The following ACTR3 variants were observed in gnomAD, a reference collection of about 807,000 sequenced individuals.
ACTR3 encodes the protein actin related protein 3, also known as actin-related protein 3.
Under a neutral mutation model 56.8 loss-of-function variants are expected in ACTR3, and 12 were observed. That is an observed-to-expected ratio of 0.21 (90% confidence interval 0.14 to 0.34). The LOEUF (loss-of-function observed/expected upper bound fraction) is 0.34. ACTR3 is among the 10% of genes least tolerant of loss of function. The pLI, the probability that ACTR3 is intolerant of heterozygous loss-of-function variation, is 1.00. For missense variants in ACTR3, 282 were observed against 512.5 expected (o/e 0.55, Z 4.34); for synonymous variants, 162 against 167.4 (o/e 0.97, Z 0.25).
intron 3 of ACTR3, among the ~76,000 whole-genome samples, chr2:113,920,996 G>A (rs535646281): frequency 1.2e-4 from 18 of 152,262 alleles, no homozygotes; most frequent in African/African-American, 4.1e-4. Context: ...TAGTAGGATG[G>A]CTGGATCATA....
intron 8 of ACTR3, among the ~76,000 whole-genome samples, chr2:113,943,258 CAT>C (rs1459094847): frequency 6.6e-6 from 1 of 152,098 alleles, no homozygotes; most frequent in East Asian, 1.9e-4. Context: ...GTTTGTCAGT[CAT>C]GTGTGGTAGG....
chr2:113,944,713 G>A (rs1679986477), intron 8 of ACTR3, among the ~76,000 whole-genome samples: 1 of 151,838 alleles, frequency 6.6e-6, no homozygotes, highest in African/African-American at 2.4e-5. Flanking sequence ...AGTGAGCCGA[G>A]ATCACGCCAC....
chr2:113,957,313 A>C, intron 11 of ACTR3, 47 bp from the exon 12 acceptor site: 1 of 1,360,254 alleles, frequency 7.4e-7, no homozygotes, highest in Non-Finnish European at 1.1e-6. Context: ...TACCTTCAAG[A>C]TGGTAGATTT....
At chr2:113,957,258 C>A in intron 11 of ACTR3, 102 bp from the exon 12 acceptor site, 1 of 777,692 alleles carries the variant, frequency 1.3e-6, no homozygotes, top group Non-Finnish European at 2.1e-6. Flanking sequence ...ACATTTTAGA[C>A]TTAACATCTA....
At chr2:113,890,637 G>C in intron 1 of ACTR3, 1 of 1,269,628 alleles carries the variant, frequency 7.9e-7, no homozygotes, top group Non-Finnish European at 9.9e-7. Flanking sequence ...GCTGGGGACG[G>C]TCGTCTTGGG....
chr2:113,899,221 A>G (rs1228122795), intron 1 of ACTR3, among the ~76,000 whole-genome samples: 5 of 152,192 alleles, frequency 3.3e-5, no homozygotes, highest in African/African-American at 1.2e-4. Context: ...GCTCAAGGAA[A>G]TGATGCTAAT....
At chr2:113,934,232 GTTTTTTTT>G (rs5833524) in intron 5 of ACTR3, 39 bp from the exon 6 acceptor site, 1 of 954,518 alleles carries the variant, frequency 1.0e-6, no homozygotes, top group Non-Finnish European at 1.5e-6. Context: ...TTGTTTTTTT[GTTTTTTTT>G]TTTTGTTTTT....
chr2:113,957,576 C>T lies in ACTR3; in HGVS notation c.*121C>T. 1 of 660,120 alleles carries T rather than the reference C, an allele frequency of 1.5e-6. No homozygotes were observed. Among genetic ancestry groups the T allele is most frequent in the Non-Finnish European group, 2.7e-6 (1 of 369,516 alleles). 40.9% of individuals were successfully genotyped at this position (660,120 alleles called of 1,614,324 possible). A position where few individuals can be genotyped will look rare whatever the true frequency, so the allele number is the denominator to read the frequency against. On this transcript the variant is annotated 3_prime_UTR_variant, in exon 12 of 12. Transcript: ENST00000263238. ...CCTGACTTGAAATAGTAACACCAAACATGATTATACAGGAATATTTTAATA... is the reference window on the plus strand; with the variant it reads ...CCTGACTTGAAATAGTAACACCAAATATGATTATACAGGAATATTTTAATA...
intron 8 of ACTR3, among the ~76,000 whole-genome samples, chr2:113,948,153 G>A (rs553249086): frequency 5.3e-4 from 81 of 152,002 alleles, no homozygotes; most frequent in African/African-American, 1.9e-3. Context: ...TTTTTTTTCA[G>A]TGTTAGGCTT....
chr2:113,942,045 T>C, intron 7 of ACTR3, 141 bp from the exon 8 acceptor site: 1 of 617,250 alleles, frequency 1.6e-6, no homozygotes, highest in Non-Finnish European at 2.5e-6. Flanking sequence ...TAACAAATTT[T>C]TCTTCCAGCT....
Position 113,931,303 on chromosome 2 carries a change from T to C in ACTR3, c.339T>C (p.Thr113=). The C allele has an allele frequency of 1.3e-6, 2 of 1,538,196 alleles. No individual in the cohort carries two copies. The highest frequency in any genetic ancestry group is 1.8e-6 in the Non-Finnish European group (2 of 1,136,118). The change falls in exon 5 of 12, where the codon ACT becomes ACC. Residue 113 remains threonine (T), a splice_region_variant and synonymous_variant. Transcript: ENST00000263238. ...TAAAATGTTATTTATTTCAATAGAC[T>C]GAACCTCCATTGAATACTCCAGAAA... ...AEPEDHYFLL[T]EPPLNTPENR... is the part of the protein sequence containing the mutation.
chr2:113,937,494 T>C (rs886793610), intron 6 of ACTR3, among the ~76,000 whole-genome samples: 8 of 152,250 alleles, frequency 5.3e-5, no homozygotes, highest in African/African-American at 1.9e-4. Flanking sequence ...ATCATTTTCC[T>C]TCTGTCAAAA....
chr2:113,900,046 A>G (rs867324778), intron 1 of ACTR3, among the ~76,000 whole-genome samples: 52 of 152,346 alleles, frequency 3.4e-4, no homozygotes, highest in African/African-American at 1.1e-3. Context: ...TTTATGCACT[A>G]TTAGTCTGGG....
intron 3 of ACTR3, among the ~76,000 whole-genome samples, chr2:113,926,836 C>T (rs1679629613): frequency 6.6e-6 from 1 of 152,194 alleles, no homozygotes; most frequent in Non-Finnish European, 1.5e-5. Context: ...GTTTTGGAAG[C>T]ATGACTCTTA....
chr2:113,926,169 C>A (rs1036956618), intron 3 of ACTR3, among the ~76,000 whole-genome samples: 4 of 152,098 alleles, frequency 2.6e-5, no homozygotes, highest in Non-Finnish European at 5.9e-5. Flanking sequence ...ACCCTGATTT[C>A]TTGTTTTATA....
At chr2:113,900,486 T>C (rs1679080536) in intron 1 of ACTR3, among the ~76,000 whole-genome samples, 1 of 152,146 alleles carries the variant, frequency 6.6e-6, no homozygotes. Flanking sequence ...TGGGAAAACG[T>C]TGAGAATCTT....
At chr2:113,956,091 A>T (rs928265737) in intron 11 of ACTR3, among the ~76,000 whole-genome samples, 1 of 151,784 alleles carries the variant, frequency 6.6e-6, no homozygotes, top group Admixed American at 6.6e-5. Context: ...AGGTCTTACT[A>T]TGTTGGGCCA....
chr2:113,890,718 AC>A, intron 1 of ACTR3: 1 of 1,080,438 alleles, frequency 9.3e-7, no homozygotes, highest in African/African-American at 1.7e-5. Flanking sequence ...CGGTTTGGGG[AC>A]CCAGGGGCCG....
chr2:113,947,265 A>G lies in ACTR3; in HGVS notation c.859-4214A>G, dbSNP rs1680038161. 2.0e-5 allele frequency among the ~76,000 whole-genome samples: 3 copies of G among 152,232 alleles called. No individual in the cohort carries two copies. The South Asian group carries it at 6.2e-4, about 31-fold the overall frequency. On this transcript the variant is annotated intron_variant, in intron 8 of 11. Coordinates refer to ENST00000263238, the MANE Select transcript of ACTR3 (RefSeq NM_005721.5). ...GTCCTGCATGAATAGGATCATGACC[A>G]CACGATGGATAATAGCATGGGATAT...
Sources: gnomAD v4.1 joint callset for allele counts (sites outside exome capture counted in the v4.1 genomes callset) on GRCh38, gnomAD v4.1.1 for gene constraint, MANE v1.5 for transcripts, NCBI Gene and HGNC (gene_info 2026-07-23, HGNC 2026-07-21) for gene names.